IL16: variants seen among roughly 807,000 people sequenced by gnomAD.
The protein encoded by IL16 is interleukin 16, also known as pro-interleukin-16.
In IL16, 67 loss-of-function variants were observed where a neutral mutation model predicts 110.1. That is an observed-to-expected ratio of 0.61 (90% confidence interval 0.50 to 0.75). IL16 has a LOEUF of 0.75. Ranked by LOEUF, IL16 falls within the 30% of genes least tolerant of loss-of-function variation. IL16 has a pLI of 0.00. For missense variants in IL16, 1,545 were observed against 1,655.0 expected, an observed-to-expected ratio of 0.93 and a Z score of 1.15; for synonymous variants, 689 against 662.9, an observed-to-expected ratio of 1.04 and a Z score of -0.61.
Position 81,301,443 on chromosome 15 carries a change from C to A in IL16, c.3249C>A (p.Ser1083=). 6.2e-7 allele frequency: 1 copy of A among 1,614,048 alleles called. No individual in the cohort carries two copies. The highest frequency in any genetic ancestry group is 8.5e-7 in the Non-Finnish European group (1 of 1,179,956). Residue 1083 remains serine (S), a synonymous_variant, in exon 15 of 19, where the codon TCC becomes TCA. Coordinates refer to ENST00000683961, the MANE Select transcript of IL16 (RefSeq NM_172217.5). ...TTCAGTCTGGTCAGTCCGTTATCTC[C>A]CTGCTGAGCTCAGAAGAATTAAAAA... The part of the protein sequence containing the change: ...SSLQSGQSVI[S]LLSSEELKKL...
intron 2 of IL16, among the ~76,000 whole-genome samples, chr15:81,248,814 G>A (rs921117256): frequency 2.0e-5 from 3 of 147,186 alleles, no homozygotes; most frequent in African/African-American, 7.6e-5. Flanking sequence ...TCCACCCCCT[G>A]GGTTCAAGCC....
intron 1 of IL16, among the ~76,000 whole-genome samples, chr15:81,206,104 A>G (rs1400028999): frequency 6.6e-6 from 1 of 152,258 alleles, no homozygotes; most frequent in African/African-American, 2.4e-5. Flanking sequence ...AAATGTACAT[A>G]AAGAGCTTGA....
At position 81,290,550 on chromosome 15, in the gene IL16, AT is replaced by A; in HGVS notation, c.1420+11del. ...CAGTGGAGTCTGGAAGGTAAGACAAATGGTGAACTTTGATGTAAAATATCTT... is the reference window on the plus strand; with the variant it reads ...CAGTGGAGTCTGGAAGGTAAGACAAAGGTGAACTTTGATGTAAAATATCTT... On this transcript the variant is annotated intron_variant, in intron 11 of 18. Coordinates refer to ENST00000683961, the MANE Select transcript of IL16 (RefSeq NM_172217.5). The A allele has an allele frequency of 2.5e-6, 4 of 1,571,810 alleles. No individual in the cohort carries two copies. Among genetic ancestry groups the A allele is most frequent in the Non-Finnish European group, 3.5e-6 (4 of 1,144,636 alleles).
intron 2 of IL16, among the ~76,000 whole-genome samples, chr15:81,247,736 A>G (rs1226967173): frequency 6.6e-6 from 1 of 152,084 alleles, no homozygotes; most frequent in East Asian, 1.9e-4. Flanking sequence ...AGATCTCCCT[A>G]ATGCCACCCT....
chr15:81,197,668 A>G (rs1314978789), intron 1 of IL16, among the ~76,000 whole-genome samples: 1 of 152,162 alleles, frequency 6.6e-6, no homozygotes, highest in Non-Finnish European at 1.5e-5. Flanking sequence ...GGGTCCCGTG[A>G]CTAATTCCTG....
intron 8 of IL16, 87 bp from the exon 9 acceptor site, chr15:81,282,552 G>T: frequency 2.2e-6 from 2 of 909,622 alleles, no homozygotes; most frequent in Non-Finnish European, 3.6e-6. Flanking sequence ...ATAACCAGGG[G>T]GCCATGTCTG....
intron 3 of IL16, 152 bp downstream of exon 3, chr15:81,260,032 G>A: frequency 1.7e-6 from 1 of 585,478 alleles, no homozygotes; most frequent in Non-Finnish European, 3.0e-6. Flanking sequence ...GCTCTGGCTA[G>A]CCAGAGTTCT....
At position 81,292,933 on chromosome 15, in the gene IL16, C is replaced by T. The variant is rs1000121384; in HGVS notation, c.1798C>T (p.Pro600Ser). The T allele has an allele frequency of 2.7e-5, 43 of 1,614,098 alleles. No individual in the cohort carries two copies. The highest frequency in any genetic ancestry group is 3.6e-5 in the Non-Finnish European group (42 of 1,180,042). The change falls in exon 12 of 19, where the codon CCA becomes TCA. Residue 600 changes from proline (P) to serine (S), a missense_variant. Coordinates refer to ENST00000683961, the MANE Select transcript of IL16 (RefSeq NM_172217.5). Reference protein sequence around the residue: ...RKPMSSKPKPPPRKYFKSDSD... With the variant: ...RKPMSSKPKPSPRKYFKSDSD... ...GCCTATGTCCTCCAAGCCCAAGCCT[C>T]CACCCAGAAAATACTTTAAAAGTGA...
intron 1 of IL16, among the ~76,000 whole-genome samples, chr15:81,219,270 G>T (rs746576198): frequency 1.3e-5 from 2 of 152,148 alleles, no homozygotes; most frequent in Non-Finnish European, 2.9e-5. Flanking sequence ...GACTGAGTGC[G>T]TCCTAAGTGT....
At chr15:81,260,845 A>T (rs532345902) in intron 3 of IL16, among the ~76,000 whole-genome samples, 2 of 151,940 alleles carry the variant, frequency 1.3e-5, no homozygotes, top group East Asian at 1.9e-4. Flanking sequence ...AAATATTTTT[A>T]AAAAGTTACT....
At chr15:81,249,320 C>T (rs570430509) in intron 2 of IL16, among the ~76,000 whole-genome samples, 2 of 152,158 alleles carry the variant, frequency 1.3e-5, no homozygotes, top group Non-Finnish European at 2.9e-5. Flanking sequence ...CACAGGCCTT[C>T]ATCTTGGGTC....
chr15:81,233,625 A>G (rs1477874597), intron 2 of IL16, among the ~76,000 whole-genome samples: 3 of 151,992 alleles, frequency 2.0e-5, no homozygotes, highest in Non-Finnish European at 4.4e-5. Flanking sequence ...TATACACACA[A>G]AAAATGTGTA....
chr15:81,191,009 A>T (rs1283322179), intron 1 of IL16, among the ~76,000 whole-genome samples: 1 of 152,240 alleles, frequency 6.6e-6, no homozygotes. Flanking sequence ...CTTTCCTGGA[A>T]CTGGAGTTAA....
intron 6 of IL16, among the ~76,000 whole-genome samples, chr15:81,275,080 C>T (rs896276144): frequency 6.6e-6 from 1 of 151,822 alleles, no homozygotes; most frequent in Admixed American, 6.6e-5. Flanking sequence ...TCAGAGAGAA[C>T]TGGAAGGTTT....
chr15:81,254,061 C>T (rs887097251), intron 2 of IL16, among the ~76,000 whole-genome samples: 1 of 152,182 alleles, frequency 6.6e-6, no homozygotes, highest in Admixed American at 6.5e-5. Flanking sequence ...AATTCAACCA[C>T]AGGAAATAAG....
rs79506956 is a variant in IL16 at position 81,215,601 on chromosome 15, C to T, written c.-101-9698C>T. Among the ~76,000 whole-genome samples, 586 of 152,238 alleles carry T rather than the reference C, an allele frequency of 3.8e-3. 4 individuals carry two copies. Among genetic ancestry groups the T allele is most frequent in the African/African-American group, 0.013 (535 of 41,522 alleles). ...CCCTTTTGATCACCAGTTATGTGCC[C>T]GTGTTTCTTTTGTTAGGTGTTCCAG... is the stretch of plus-strand genomic sequence containing the variant. On this transcript the variant is annotated intron_variant, in intron 1 of 18. Transcript: ENST00000683961.
At chr15:81,279,945 A>G (rs1007838497) in intron 8 of IL16, among the ~76,000 whole-genome samples, 171 bp downstream of exon 8, 4 of 152,206 alleles carry the variant, frequency 2.6e-5, no homozygotes, top group African/African-American at 9.6e-5. Flanking sequence ...GAAGCTCAAG[A>G]CATACCATTC....
rs965901020 is a variant in IL16, at chr15:81,300,528, C to T, written c.3149+53C>T. 1.3e-5 allele frequency: 16 copies of T among 1,197,782 alleles called. No individual in the cohort carries two copies. In the Admixed American group the frequency reaches 2.5e-4, roughly 19 times the overall value. The allele number at this position is 1,197,782 out of a possible 1,614,324, so 74.2% of individuals were successfully genotyped here. On this transcript the variant is annotated intron_variant, in intron 14 of 18. Transcript: ENST00000683961. Reference sequence around the variant, plus strand: ...TTACCTTTCTCATCTTTTTCTTTCTCATCTTTATTTTTAAAAATAATCCTA... The same window carrying T: ...TTACCTTTCTCATCTTTTTCTTTCTTATCTTTATTTTTAAAAATAATCCTA...
At position 81,313,201 on chromosome 15, in the gene IL16, A is replaced by G; in HGVS notation, c.*4403A>G. On this transcript the variant is annotated 3_prime_UTR_variant, in exon 19 of 19. Coordinates refer to ENST00000683961, the MANE Select transcript of IL16 (RefSeq NM_172217.5). ...CTCCCAGGCTCCTTGGTGTCCCAAC[A>G]GCTGGAGCTCCTCGATGAGTCACGG... The G allele has an allele frequency of 2.7e-6, 4 of 1,467,956 alleles. No individual in the cohort carries two copies. Among genetic ancestry groups the G allele is most frequent in the Non-Finnish European group, 3.6e-6 (4 of 1,103,748 alleles). The allele number at this position is 1,467,956 out of a possible 1,614,324, so 90.9% of individuals were successfully genotyped here. A position where few individuals can be genotyped will look rare whatever the true frequency, so the allele number is the denominator to read the frequency against.
Sources: allele counts gnomAD v4.1 joint callset (sites outside exome capture counted in the v4.1 genomes callset), GRCh38; gene constraint gnomAD v4.1.1; transcripts MANE v1.5; gene names NCBI Gene and HGNC (gene_info 2026-07-23, HGNC 2026-07-21).